ITSN1: variants seen among roughly 807,000 people sequenced by gnomAD.
ITSN1 encodes the protein intersectin-1.
A neutral mutation model predicts 239.8 loss-of-function variants in ITSN1; 58 were observed. The ratio of observed to expected loss-of-function variants is 0.24; its 90% CI spans 0.20 to 0.30. The LOEUF is 0.30. Ranked by LOEUF, ITSN1 falls within the 10% of genes least tolerant of loss-of-function variation. The probability of loss-of-function intolerance (pLI) is 1.00; values close to 1 mark genes in which losing one functional copy is unlikely to be tolerated. For synonymous variants in ITSN1, 780 were observed against 770.8 expected, an observed-to-expected ratio of 1.01 and a Z score of -0.20; for missense variants, 1,558 against 2,103.3, an observed-to-expected ratio of 0.74 and a Z score of 5.07.
At chr21:33,755,425 A>ATGATATT (rs777478707) in intron 8 of ITSN1, 28 bp downstream of exon 8, 1 of 1,241,458 alleles carries the variant, frequency 8.1e-7, no homozygotes, top group Non-Finnish European at 1.2e-6. Flanking sequence ...TTAGTGAAAT[A>ATGATATT]TGATCTTTGT....
chr21:33,648,569 C>T (rs139538942), intron 1 of ITSN1, among the ~76,000 whole-genome samples: 53 of 152,132 alleles, frequency 3.5e-4, no homozygotes, highest in Non-Finnish European at 6.8e-4. Flanking sequence ...GCTTTGGGAC[C>T]GGTGCTGTGG....
At chr21:33,688,016 T>A (rs2091330145) in intron 1 of ITSN1, among the ~76,000 whole-genome samples, 1 of 152,166 alleles carries the variant, frequency 6.6e-6, no homozygotes, top group African/African-American at 2.4e-5. Context: ...TATCTAAGAT[T>A]TCAAAAAGCT....
chr21:33,827,782 C>G (rs1407215418), intron 26 of ITSN1, among the ~76,000 whole-genome samples: 2 of 152,216 alleles, frequency 1.3e-5, no homozygotes, highest in African/African-American at 4.8e-5. Context: ...GGCACGTCTT[C>G]CTGGTCTAGG....
chr21:33,787,671 G>A (rs1386848166), intron 16 of ITSN1, among the ~76,000 whole-genome samples: 1 of 152,126 alleles, frequency 6.6e-6, no homozygotes, highest in Non-Finnish European at 1.5e-5. Context: ...AGAAAGAACT[G>A]CAGAACAGAG....
At chr21:33,874,459 T>A (rs919302566) in intron 33 of ITSN1, among the ~76,000 whole-genome samples, 1 of 152,138 alleles carries the variant, frequency 6.6e-6, no homozygotes, top group Non-Finnish European at 1.5e-5. Flanking sequence ...AGGGCACCTG[T>A]TGGCTCTTAG....
intron 3 of ITSN1, among the ~76,000 whole-genome samples, chr21:33,722,233 C>CT (rs1470931898): frequency 2.6e-5 from 4 of 152,128 alleles, no homozygotes; most frequent in Non-Finnish European, 5.9e-5. Flanking sequence ...TGGCAAATAA[C>CT]TTTTTTTATA....
chr21:33,856,929 G>A lies in ITSN1; in HGVS notation c.3783+72G>A, dbSNP rs915959322. On this transcript the variant is annotated intron_variant, in intron 30 of 39. Coordinates refer to ENST00000381318, the MANE Select transcript of ITSN1 (RefSeq NM_003024.3). ...AGGGAGAGGGGAGGGTTCCGTCAAG[G>A]AGGTCTATGTCCTGATTCTGAGCCC... The A allele has an allele frequency of 1.0e-5, 15 of 1,440,032 alleles. No individual in the cohort carries two copies. The African/African-American group carries it at 2.1e-4, about 20-fold the overall frequency. The allele number at this position is 1,440,032 out of a possible 1,614,324, so 89.2% of individuals were successfully genotyped here. A position where few individuals can be genotyped will look rare whatever the true frequency, so the allele number is the denominator to read the frequency against.
intron 26 of ITSN1, among the ~76,000 whole-genome samples, chr21:33,827,944 A>G (rs1004900206): frequency 2.0e-5 from 3 of 152,212 alleles, no homozygotes; most frequent in African/African-American, 4.8e-5. Flanking sequence ...CACGTAGTCT[A>G]GGATTTTATT....
chr21:33,829,518 G>A (rs1299508235), intron 26 of ITSN1, 106 bp from the exon 27 acceptor site: 4 of 1,171,848 alleles, frequency 3.4e-6, no homozygotes, highest in Non-Finnish European at 4.9e-6. Flanking sequence ...TCAATACATT[G>A]GTTTTGATGT....
In ITSN1 at chr21:33,690,775, G is replaced by GTA. The variant is rs1160314187; in HGVS notation, c.-32-28009_-32-28008dup. The stretch of plus-strand genomic sequence containing the variant: ...GGCTCTGCCTCAGAAAAAAAAAAGT[G>GTA]TATATATATATATACATATATATAT... On this transcript the variant is annotated intron_variant, in intron 1 of 39. Coordinates refer to ENST00000381318, the MANE Select transcript of ITSN1 (RefSeq NM_003024.3). 4.1e-3 allele frequency among the ~76,000 whole-genome samples: 88 copies of GTA among 21,616 alleles called. 16 individuals are homozygous for GTA. Among genetic ancestry groups the GTA allele is most frequent in the Non-Finnish European group, 6.6e-3 (70 of 10,676 alleles). The allele number at this position is 21,616 out of a possible 152,430, so 14.2% of individuals were successfully genotyped here. A position where few individuals can be genotyped will look rare whatever the true frequency, so the allele number is the denominator to read the frequency against.
chr21:33,652,153 C>G (rs1024298585), intron 1 of ITSN1, among the ~76,000 whole-genome samples: 8 of 151,852 alleles, frequency 5.3e-5, no homozygotes, highest in Non-Finnish European at 1.2e-4. Context: ...CTACTTAGCC[C>G]GGGAGAGTTG....
intron 1 of ITSN1, among the ~76,000 whole-genome samples, chr21:33,714,395 T>G (rs2092508412): frequency 6.6e-6 from 1 of 152,186 alleles, no homozygotes; most frequent in African/African-American, 2.4e-5. Context: ...AAATGTAGTC[T>G]AATATTAGTC....
chr21:33,884,866 G>T (rs956846446), intron 36 of ITSN1, among the ~76,000 whole-genome samples, 175 bp from the exon 37 acceptor site: 2 of 152,130 alleles, frequency 1.3e-5, no homozygotes, highest in Non-Finnish European at 2.9e-5. Context: ...CTTTCTTATC[G>T]ATGGCAGGAA....
At chr21:33,706,216 G>T (rs533898688) in intron 1 of ITSN1, among the ~76,000 whole-genome samples, 3 of 151,602 alleles carry the variant, frequency 2.0e-5, no homozygotes, top group Admixed American at 6.6e-5. Context: ...ATGGGGTTTC[G>T]CCATGTTGGC....
intron 12 of ITSN1, among the ~76,000 whole-genome samples, chr21:33,773,112 T>C (rs1284765161): frequency 2.6e-5 from 4 of 151,864 alleles, no homozygotes; most frequent in Non-Finnish European, 5.9e-5. Flanking sequence ...GTTCAAGCGA[T>C]TCTCCTGCCT....
At chr21:33,679,117 C>T (rs1240763374) in intron 1 of ITSN1, among the ~76,000 whole-genome samples, 1 of 152,174 alleles carries the variant, frequency 6.6e-6, no homozygotes, top group African/African-American at 2.4e-5. Context: ...GAGATTACAT[C>T]ATCTTATATT....
In ITSN1 at chr21:33,806,399, G is replaced by A. The variant is rs183332147; in HGVS notation, c.2319+3955G>A. On this transcript the variant is annotated intron_variant, in intron 20 of 39. Transcript: ENST00000381318. ...ACTTGTTTATCATGTTCTATGAGGG[G>A]AAAAAGGAATTTCTGCTTCCCCCCT... Among the ~76,000 whole-genome samples the A allele has an allele frequency of 1.6e-4, 24 of 152,308 alleles. No individual in the cohort carries two copies. In the East Asian group the frequency reaches 4.4e-3, roughly 28 times the overall value.
chr21:33,697,466 T>A (rs1454924095), intron 1 of ITSN1, among the ~76,000 whole-genome samples: 1 of 151,030 alleles, frequency 6.6e-6, no homozygotes, highest in Non-Finnish European at 1.5e-5. Context: ...GGCCATTACA[T>A]TTTTTTTTCA....
At chr21:33,851,748 C>G (rs1415248548) in intron 29 of ITSN1, among the ~76,000 whole-genome samples, 1 of 119,948 alleles carries the variant, frequency 8.3e-6, no homozygotes, top group African/African-American at 3.1e-5. Context: ...TTTTTTTTCT[C>G]GTTTTTTTTC....
Sources: allele counts gnomAD v4.1 joint callset (sites outside exome capture counted in the v4.1 genomes callset), GRCh38; gene constraint gnomAD v4.1.1; transcripts MANE v1.5; gene names NCBI Gene and HGNC (gene_info 2026-07-23, HGNC 2026-07-21).